The following FRMD5 variants were observed in gnomAD, a reference collection of about 807,000 sequenced individuals.
FRMD5 encodes the protein FERM domain-containing protein 5.
In FRMD5, 20 loss-of-function variants were observed where a neutral mutation model predicts 69.0. The ratio of observed to expected loss-of-function variants is 0.29; its 90% CI spans 0.20 to 0.42. The LOEUF (loss-of-function observed/expected upper bound fraction) is 0.42, where lower values mean the gene tolerates loss of function less well. Among genes scored for constraint, FRMD5 ranks in the 10% least tolerant of loss-of-function variants. The pLI, the probability that FRMD5 is intolerant of heterozygous loss-of-function variation, is 1.00. For synonymous variants in FRMD5, 271 were observed against 260.1 expected (o/e 1.04, Z -0.40); for missense variants, 595 against 708.6 (o/e 0.84, Z 1.82).
At chr15:44,187,605 T>G (rs964804896) in intron 1 of FRMD5, among the ~76,000 whole-genome samples, 1 of 151,456 alleles carries the variant, frequency 6.6e-6, no homozygotes, top group Non-Finnish European at 1.5e-5. Context: ...TTTCCATCTG[T>G]AGCCCAGGCT....
intron 1 of FRMD5, among the ~76,000 whole-genome samples, chr15:44,085,054 C>T (rs1005684324): frequency 1.3e-5 from 2 of 152,056 alleles, no homozygotes; most frequent in African/African-American, 4.8e-5. Context: ...GGAAATGTTC[C>T]CCTACGTACA....
At chr15:43,965,356 C>T (rs572047712) in intron 1 of FRMD5, among the ~76,000 whole-genome samples, 1 of 152,234 alleles carries the variant, frequency 6.6e-6, no homozygotes, top group African/African-American at 2.4e-5. Context: ...TGTACATACA[C>T]TGCGCCTAAC....
At chr15:44,016,105 T>C (rs1890945468) in intron 1 of FRMD5, among the ~76,000 whole-genome samples, 1 of 152,166 alleles carries the variant, frequency 6.6e-6, no homozygotes, top group Non-Finnish European at 1.5e-5. Context: ...CACTTATCAG[T>C]TATGCAAATG....
At chr15:44,074,056 T>C (rs959413447) in intron 1 of FRMD5, among the ~76,000 whole-genome samples, 20 of 152,150 alleles carry the variant, frequency 1.3e-4, no homozygotes, top group Non-Finnish European at 5.9e-5. Flanking sequence ...ATCCTATATA[T>C]CCATCCTAAA....
chr15:44,176,799 TG>T (rs1419481967), intron 1 of FRMD5, among the ~76,000 whole-genome samples: 2 of 152,114 alleles, frequency 1.3e-5, no homozygotes, highest in African/African-American at 2.4e-5. Context: ...TTTAGTCATT[TG>T]GTAAATGCAA....
At chr15:43,938,143 A>G (rs902563611) in intron 1 of FRMD5, among the ~76,000 whole-genome samples, 1 of 148,398 alleles carries the variant, frequency 6.7e-6, no homozygotes, top group Admixed American at 6.8e-5. Flanking sequence ...AGGCAGGAGA[A>G]TGGTGTCAAC....
rs779499948 is a variant in FRMD5, at chr15:43,884,777, T to C, written c.978A>G (p.Glu326=). The C allele has an allele frequency of 4.3e-6, 7 of 1,614,158 alleles. No individual in the cohort carries two copies. The highest frequency in any genetic ancestry group is 5.9e-6 in the Non-Finnish European group (7 of 1,179,980). Reference sequence around the variant, plus strand: ...TGATCTTAGCACTTGATTCCATGACTTCCTTTGCAACTCGGCCACTGTAAG... The same window carrying C: ...TGATCTTAGCACTTGATTCCATGACCTCCTTTGCAACTCGGCCACTGTAAG... ...RFRYSGRVAK[E]VMESSAKIKR... Residue 326 remains glutamate (E), a synonymous_variant, in exon 12 of 14, where the codon GAA becomes GAG. Coordinates refer to ENST00000417257, the MANE Select transcript of FRMD5 (RefSeq NM_032892.5).
chr15:44,085,751 G>C (rs1894171728), intron 1 of FRMD5, among the ~76,000 whole-genome samples: 2 of 152,176 alleles, frequency 1.3e-5, no homozygotes, highest in African/African-American at 4.8e-5. Context: ...ACCTGAGGAA[G>C]AGAGACAAGT....
chr15:43,902,124 A>G, intron 7 of FRMD5, 51 bp downstream of exon 7: 1 of 1,378,786 alleles, frequency 7.3e-7, no homozygotes, highest in South Asian at 1.2e-5. Flanking sequence ...CTTGCTCCTG[A>G]TGCCTTCTAG....
At chr15:43,888,936 T>G in intron 8 of FRMD5, 64 bp from the exon 9 acceptor site, 1 of 1,421,520 alleles carries the variant, frequency 7.0e-7, no homozygotes, top group Non-Finnish European at 9.9e-7. Flanking sequence ...CTAAATCTTG[T>G]AGATGCACAG....
rs187571798 is a variant in FRMD5, at chr15:44,024,665, G to T, written c.103-100356C>A. ...TTCATTTTTTAAAAATTGATTTGTG[G>T]AATTTTAAAAACATATTCTGGCTCT... is the stretch of plus-strand genomic sequence containing the variant. On this transcript the variant is annotated intron_variant, in intron 1 of 13. Transcript: ENST00000417257. Among the ~76,000 whole-genome samples the T allele has an allele frequency of 1.6e-3, 247 of 152,104 alleles. 1 individual carries two copies. The highest frequency in any genetic ancestry group is 2.5e-3 in the Admixed American group (38 of 15,290).
At chr15:43,956,888 GTTGACTGTACTGC>G (rs1185724431) in intron 1 of FRMD5, among the ~76,000 whole-genome samples, 1 of 152,138 alleles carries the variant, frequency 6.6e-6, no homozygotes, top group Non-Finnish European at 1.5e-5. Context: ...TCTCTACAAA[GTTGACTGTACTGC>G]AATCCCATTT....
At chr15:44,072,067 T>C (rs148392725) in intron 1 of FRMD5, among the ~76,000 whole-genome samples, 2,670 of 152,286 alleles carry the variant, frequency 0.018, 37 homozygotes, top group Middle Eastern at 0.044. Flanking sequence ...GGTTTCACCA[T>C]GTTGGCCAGG....
chr15:44,195,243 C>T lies in FRMD5; in HGVS notation c.-189G>A, dbSNP rs2078271811. 7.4e-6 allele frequency: 4 copies of T among 537,868 alleles called. No individual in the cohort carries two copies. The highest frequency in any genetic ancestry group is 7.0e-5 in the East Asian group (2 of 28,662). The allele number at this position is 537,868 out of a possible 1,614,324, so 33.3% of individuals were successfully genotyped here. A position where few individuals can be genotyped will look rare whatever the true frequency, so the allele number is the denominator to read the frequency against. On this transcript the variant is annotated 5_prime_UTR_variant, in exon 1 of 14. Transcript: ENST00000417257. ...TCCTTCCCTCAGCCGCCACCGCCTC[C>T]CCCCAGCCCAGATCAAGCGCCGGGC...
At chr15:44,095,903 T>G (rs1052845621) in intron 1 of FRMD5, among the ~76,000 whole-genome samples, 1 of 152,158 alleles carries the variant, frequency 6.6e-6, no homozygotes, top group Non-Finnish European at 1.5e-5. Flanking sequence ...GCTGACCTAC[T>G]CTTACTACAT....
intron 1 of FRMD5, among the ~76,000 whole-genome samples, chr15:44,084,634 G>C (rs1159151701): frequency 2.0e-5 from 3 of 152,042 alleles, no homozygotes; most frequent in East Asian, 1.9e-4. Context: ...TAATACTGGA[G>C]GAAGCTGTCA....
intron 1 of FRMD5, among the ~76,000 whole-genome samples, chr15:44,037,465 TTC>T (rs1308941636): frequency 6.6e-6 from 1 of 151,298 alleles, no homozygotes; most frequent in African/African-American, 2.4e-5. Flanking sequence ...CATGTGTCTT[TTC>T]TCTTTTTTTT....
At chr15:44,152,893 A>G (rs1045300723) in intron 1 of FRMD5, among the ~76,000 whole-genome samples, 2 of 152,202 alleles carry the variant, frequency 1.3e-5, no homozygotes, top group Non-Finnish European at 2.9e-5. Context: ...AAAAAAAGTA[A>G]ACGGGCAAAG....
intron 1 of FRMD5, among the ~76,000 whole-genome samples, chr15:43,999,516 C>T (rs1327810561): frequency 6.6e-6 from 1 of 152,126 alleles, no homozygotes; most frequent in East Asian, 1.9e-4. Context: ...ATTATAGTCA[C>T]CATGCTGTAT....
Sources: allele counts gnomAD v4.1 joint callset (sites outside exome capture counted in the v4.1 genomes callset), GRCh38; gene constraint gnomAD v4.1.1; transcripts MANE v1.5; gene names NCBI Gene and HGNC (gene_info 2026-07-23, HGNC 2026-07-21).